The following NKAIN2 variants were observed in gnomAD, a reference collection of about 807,000 sequenced individuals.
NKAIN2 encodes the protein sodium/potassium transporting ATPase interacting 2.
Under a neutral mutation model 32.6 loss-of-function variants are expected in NKAIN2, and 14 were observed. That is an observed-to-expected ratio of 0.43 (90% confidence interval 0.28 to 0.67). The LOEUF is 0.67. Ranked by LOEUF, NKAIN2 falls within the 30% of genes least tolerant of loss-of-function variation. The pLI is 0.17. For synonymous variants in NKAIN2, 80 were observed against 87.2 expected (o/e 0.92, Z 0.46); for missense variants, 198 against 258.3 (o/e 0.77, Z 1.60).
At chr6:124,427,524 AG>A (rs947396068) in intron 3 of NKAIN2, among the ~76,000 whole-genome samples, 3 of 152,222 alleles carry the variant, frequency 2.0e-5, no homozygotes, top group African/African-American at 7.2e-5. Flanking sequence ...AACAGCTTCC[AG>A]GAGAATCTCA....
At chr6:124,716,194 A>G (rs916754513) in intron 4 of NKAIN2, among the ~76,000 whole-genome samples, 2 of 152,202 alleles carry the variant, frequency 1.3e-5, no homozygotes, top group African/African-American at 4.8e-5. Flanking sequence ...TTCAGAACGT[A>G]ATTTTTAGAT....
intron 1 of NKAIN2, among the ~76,000 whole-genome samples, chr6:124,263,721 A>AGTTTGTTTGTTTGTTTG (rs370484457): frequency 4.6e-5 from 7 of 151,976 alleles, no homozygotes; most frequent in African/African-American, 1.7e-4. Context: ...TGTTTGTTTA[A>AGTTTGTTTGTTTGTTTG]TTTAAACAGC....
At chr6:124,091,588 T>C (rs1485448743) in intron 1 of NKAIN2, among the ~76,000 whole-genome samples, 2 of 151,994 alleles carry the variant, frequency 1.3e-5, no homozygotes, top group African/African-American at 4.8e-5. Context: ...GAATAAAATA[T>C]TATCAAATTC....
chr6:124,752,807 A>G (rs577703165), intron 4 of NKAIN2, among the ~76,000 whole-genome samples: 2 of 152,190 alleles, frequency 1.3e-5, no homozygotes, highest in East Asian at 3.9e-4. Flanking sequence ...AAATGAATGA[A>G]TTCTATTTTT....
At chr6:124,445,018 T>C (rs897641615) in intron 3 of NKAIN2, among the ~76,000 whole-genome samples, 1 of 152,000 alleles carries the variant, frequency 6.6e-6, no homozygotes, top group Non-Finnish European at 1.5e-5. Flanking sequence ...ATGGAATACA[T>C]ACCTCAAAAT....
intron 1 of NKAIN2, among the ~76,000 whole-genome samples, chr6:124,021,942 C>T (rs57201321): frequency 0.055 from 8,416 of 152,080 alleles, 793 homozygotes; most frequent in African/African-American, 0.19. Flanking sequence ...AAGTGCACAA[C>T]GTGCAAGTTT....
chr6:124,800,923 T>A (rs1156718512), intron 5 of NKAIN2, among the ~76,000 whole-genome samples: 1 of 152,166 alleles, frequency 6.6e-6, no homozygotes, highest in African/African-American at 2.4e-5. Context: ...TGCTACAAAA[T>A]GAAAATTGGA....
chr6:124,126,574 T>C (rs1786176049), intron 1 of NKAIN2, among the ~76,000 whole-genome samples: 1 of 103,490 alleles, frequency 9.7e-6, no homozygotes, highest in African/African-American at 3.4e-5. Flanking sequence ...GAACCAATCA[T>C]CCCTACTGGA....
intron 1 of NKAIN2, among the ~76,000 whole-genome samples, chr6:123,977,808 G>T (rs183515728): frequency 6.6e-6 from 1 of 152,208 alleles, no homozygotes; most frequent in Non-Finnish European, 1.5e-5. Flanking sequence ...TGCATCACTT[G>T]TATTTCTCTG....
intron 3 of NKAIN2, among the ~76,000 whole-genome samples, chr6:124,588,067 G>A (rs746599176): frequency 3.3e-5 from 5 of 152,076 alleles, no homozygotes; most frequent in Non-Finnish European, 5.9e-5. Flanking sequence ...AGATGATATA[G>A]GTTCCGCTGC....
chr6:124,194,049 G>A (rs973368681), intron 1 of NKAIN2, among the ~76,000 whole-genome samples: 34 of 152,020 alleles, frequency 2.2e-4, no homozygotes, highest in African/African-American at 8.0e-4. Context: ...AATGAGTCTG[G>A]GGCTTTTATG....
intron 6 of NKAIN2, among the ~76,000 whole-genome samples, chr6:124,821,984 C>A (rs1781414665): frequency 6.6e-6 from 1 of 152,212 alleles, no homozygotes; most frequent in Admixed American, 6.5e-5. Flanking sequence ...AATTCTTAGA[C>A]AGACTGTGAG....
intron 3 of NKAIN2, among the ~76,000 whole-genome samples, chr6:124,562,356 C>G (rs560745437): frequency 4.7e-4 from 72 of 152,304 alleles, no homozygotes; most frequent in African/African-American, 1.6e-3. Context: ...CTTGGCCTGC[C>G]TGCAATAGCT....
intron 2 of NKAIN2, among the ~76,000 whole-genome samples, chr6:124,353,647 G>C (rs1180706172): frequency 1.3e-5 from 2 of 151,900 alleles, no homozygotes; most frequent in East Asian, 3.9e-4. Context: ...CCCAGCTACT[G>C]GGGAGGCTGA....
At position 124,368,581 on chromosome 6, in the gene NKAIN2, G is replaced by A. The variant is rs117443958; in HGVS notation, c.273+13234G>A. The stretch of plus-strand genomic sequence containing the variant: ...CAGCAAAGTTTTGGAACATAAGCTA[G>A]CATTATTTCTTCTGGGTGACTCATA... On this transcript the variant is annotated intron_variant, in intron 3 of 6. Transcript: ENST00000368417. 8.6e-3 allele frequency among the ~76,000 whole-genome samples: 1,312 copies of A among 152,162 alleles called. 13 individuals carry two copies. The highest frequency in any genetic ancestry group is 0.013 in the Non-Finnish European group (900 of 67,996).
chr6:124,245,941 A>T (rs780971431), intron 1 of NKAIN2, among the ~76,000 whole-genome samples: 14 of 152,148 alleles, frequency 9.2e-5, no homozygotes, highest in African/African-American at 2.7e-4. Flanking sequence ...AACTATTGAT[A>T]AAATATATAT....
At chr6:124,273,396 C>CTTCACT (rs1283308652) in intron 1 of NKAIN2, among the ~76,000 whole-genome samples, 1 of 152,160 alleles carries the variant, frequency 6.6e-6, no homozygotes, top group Non-Finnish European at 1.5e-5. Flanking sequence ...CTTGCTTTCC[C>CTTCACT]TTCACTTTCT....
chr6:124,109,365 A>C (rs2114966315), intron 1 of NKAIN2, among the ~76,000 whole-genome samples: 1 of 152,096 alleles, frequency 6.6e-6, no homozygotes, highest in East Asian at 1.9e-4. Context: ...GTATACAGAA[A>C]TGAAACTGAT....
chr6:123,991,178 G>A (rs1039249234), intron 1 of NKAIN2, among the ~76,000 whole-genome samples: 2 of 152,040 alleles, frequency 1.3e-5, no homozygotes, highest in African/African-American at 4.8e-5. Context: ...TTTTATCTGA[G>A]GAATGTTAAT....
Sources: gnomAD v4.1 joint callset for allele counts (sites outside exome capture counted in the v4.1 genomes callset) on GRCh38, gnomAD v4.1.1 for gene constraint, MANE v1.5 for transcripts, NCBI Gene and HGNC (gene_info 2026-07-23, HGNC 2026-07-21) for gene names.